ASPRV1: variants seen among roughly 807,000 people sequenced by gnomAD.
The protein encoded by ASPRV1 is retroviral-like aspartic protease 1.
In ASPRV1, 7 loss-of-function variants were observed where a neutral mutation model predicts 11.0. The observed-to-expected ratio is 0.64, with a 90% confidence interval of 0.36 to 1.20. The LOEUF (loss-of-function observed/expected upper bound fraction) is 1.20, where lower values mean the gene tolerates loss of function less well. Ranked by LOEUF, ASPRV1 falls within the 50% of genes most tolerant of loss-of-function variation. The probability of loss-of-function intolerance (pLI) is 0.02; values close to 1 mark genes in which losing one functional copy is unlikely to be tolerated. For synonymous variants in ASPRV1, 136 were observed against 138.4 expected, an observed-to-expected ratio of 0.98 and a Z score of 0.12; for missense variants, 299 against 320.0, an observed-to-expected ratio of 0.93 and a Z score of 0.50.
the ASPRV1 span, among the ~76,000 whole-genome samples, chr2:70,033,095 C>A: frequency 6.6e-6 from 1 of 152,086 alleles, no homozygotes; most frequent in African/African-American, 2.4e-5. Context: ...AAAGGCCTTC[C>A]CAGAATTTCT....
At chr2:70,020,380 G>A in the ASPRV1 span, among the ~76,000 whole-genome samples, 184 of 152,298 alleles carry the variant, frequency 1.2e-3, 2 homozygotes, top group African/African-American at 4.1e-3. Flanking sequence ...AAAATGTGGT[G>A]TATACATACA....
At chr2:70,068,002 T>C in the ASPRV1 span, among the ~76,000 whole-genome samples, 162 of 152,232 alleles carry the variant, frequency 1.1e-3, 2 homozygotes, top group Non-Finnish European at 3.5e-4. Context: ...GTTCACGTAT[T>C]CTGGCTTCTC....
Position 69,961,080 on chromosome 2 carries a change from G to A in ASPRV1, c.357C>T (p.Gly119=). ...CCACCAGGAACCTCACGGGCACTTT[G>A]CCAATCTTCCCCTTGAGATAGTAGC... ...GKGYYLKGKI[G]KVPVRFLVDS... Residue 119 remains glycine (G), a synonymous_variant, in exon 1 of 1, where the codon GGC becomes GGT. Transcript: ENST00000320256. 6.2e-7 allele frequency: 1 copy of A among 1,613,852 alleles called. No individual in the cohort carries two copies. The highest frequency in any genetic ancestry group is 1.3e-5 in the African/African-American group (1 of 74,988).
rs186756796 is a variant in ASPRV1 at position 69,960,202 on chromosome 2, G to A, written c.*455C>T. 73 of 164,804 alleles carry A rather than the reference G, an allele frequency of 4.4e-4. No homozygotes were observed. In the East Asian group the frequency reaches 0.011, roughly 25 times the overall value. The allele number at this position is 164,804 out of a possible 1,614,324, so 10.2% of individuals were successfully genotyped here. ...AAAATACGATTGTACAGGTGGAAAG[G>A]CTCTTCAGGGAGGTGTCCCAGAGCA... On this transcript the variant is annotated 3_prime_UTR_variant, in exon 1 of 1. Transcript: ENST00000320256.
the ASPRV1 span, chr2:69,937,378 CT>C: frequency 6.2e-7 from 1 of 1,608,110 alleles, no homozygotes; most frequent in Non-Finnish European, 8.5e-7. Context: ...CCTCGGAGCG[CT>C]CCGACTCCGA....
chr2:69,948,924 C>A, the ASPRV1 span, among the ~76,000 whole-genome samples: 1 of 152,018 alleles, frequency 6.6e-6, no homozygotes, highest in Non-Finnish European at 1.5e-5. Context: ...CACCTGGGGG[C>A]CCCCACTTGG....
chr2:70,041,430 G>A, the ASPRV1 span, among the ~76,000 whole-genome samples: 31 of 152,072 alleles, frequency 2.0e-4, no homozygotes, highest in East Asian at 3.7e-3. Context: ...CTGTAACACC[G>A]CCCTGCCCAC....
At chr2:70,047,532 C>A in the ASPRV1 span, among the ~76,000 whole-genome samples, 11 of 152,188 alleles carry the variant, frequency 7.2e-5, 1 homozygote, top group Non-Finnish European at 1.5e-4. Flanking sequence ...AAATTGTCTA[C>A]TGACAGAAAT....
the ASPRV1 span, among the ~76,000 whole-genome samples, chr2:70,047,779 CA>C: frequency 6.6e-6 from 1 of 152,088 alleles, no homozygotes; most frequent in African/African-American, 2.4e-5. Context: ...ATGAAGCAGG[CA>C]AAACATTAAG....
the ASPRV1 span, among the ~76,000 whole-genome samples, chr2:70,016,999 A>AT: frequency 1.5e-4 from 22 of 150,084 alleles, no homozygotes; most frequent in Admixed American, 4.0e-4. Context: ...GATCATCTCA[A>AT]TTTTTTTTTT....
At chr2:70,085,987 C>G in the ASPRV1 span, 2 of 152,182 alleles carry the variant, frequency 1.3e-5, no homozygotes, top group South Asian at 2.1e-4. Flanking sequence ...CAAATTATCC[C>G]TTGATACTGC....
chr2:69,937,755 C>A, the ASPRV1 span, among the ~76,000 whole-genome samples: 1 of 152,208 alleles, frequency 6.6e-6, no homozygotes, highest in Non-Finnish European at 1.5e-5. Context: ...GCTGGGATTA[C>A]AGGCACACAC....
the ASPRV1 span, among the ~76,000 whole-genome samples, chr2:70,057,125 G>A: frequency 1.3e-5 from 2 of 151,902 alleles, no homozygotes; most frequent in Non-Finnish European, 2.9e-5. Flanking sequence ...AAAAAGGCCA[G>A]GCATGGTGGC....
the ASPRV1 span, chr2:70,015,365 G>C: frequency 6.6e-6 from 1 of 152,174 alleles, no homozygotes. Flanking sequence ...GCTGACCCTT[G>C]AACAACACGG....
chr2:70,017,777 T>C, the ASPRV1 span, among the ~76,000 whole-genome samples: 74 of 152,290 alleles, frequency 4.9e-4, no homozygotes, highest in African/African-American at 1.8e-3. Context: ...CAGTAGTGTT[T>C]ATATACAATA....
the ASPRV1 span, among the ~76,000 whole-genome samples, chr2:69,984,863 T>TC: frequency 1.3e-5 from 2 of 150,294 alleles, no homozygotes; most frequent in African/African-American, 4.9e-5. Context: ...GCCAGCTTTT[T>TC]TTTTTTTTTT....
chr2:69,949,415 G>A, the ASPRV1 span, among the ~76,000 whole-genome samples: 1 of 152,214 alleles, frequency 6.6e-6, no homozygotes, highest in Non-Finnish European at 1.5e-5. Flanking sequence ...CACAGCCAGT[G>A]AGGTTTTTAC....
At chr2:70,076,808 G>A in the ASPRV1 span, among the ~76,000 whole-genome samples, 1 of 152,204 alleles carries the variant, frequency 6.6e-6, no homozygotes, top group African/African-American at 2.4e-5. Flanking sequence ...CTGCACGGCT[G>A]AGTGGGAGCT....
the ASPRV1 span, chr2:69,935,367 T>C: frequency 6.2e-7 from 1 of 1,613,868 alleles, no homozygotes; most frequent in South Asian, 1.1e-5. Flanking sequence ...TCATCTTCGC[T>C]TGTGCCTGGA....
Sources: allele counts gnomAD v4.1 joint callset (sites outside exome capture counted in the v4.1 genomes callset), GRCh38; gene constraint gnomAD v4.1.1; transcripts MANE v1.5; gene names NCBI Gene and HGNC (gene_info 2026-07-23, HGNC 2026-07-21).